The following GALNT11 variants were observed in gnomAD, a reference collection of about 807,000 sequenced individuals.
The protein encoded by GALNT11 is polypeptide N-acetylgalactosaminyltransferase 11, also known as UDP-GalNAc:polypeptide N-acetylgalactosaminyltransferase 11.
In GALNT11, 47 loss-of-function variants were observed where a neutral mutation model predicts 72.7. The observed-to-expected ratio is 0.65, with a 90% CI of 0.51 to 0.82. The LOEUF is 0.82. Among genes scored for constraint, GALNT11 ranks in the 40% least tolerant of loss-of-function variants. The probability of loss-of-function intolerance (pLI) is 0.00; values close to 1 mark genes in which losing one functional copy is unlikely to be tolerated. For missense variants in GALNT11, 677 were observed against 778.4 expected, an observed-to-expected ratio of 0.87 and a Z score of 1.55; for synonymous variants, 270 against 286.6, an observed-to-expected ratio of 0.94 and a Z score of 0.58.
At chr7:152,110,711 CAT>C in intron 7 of GALNT11, 66 bp downstream of exon 7, 1 of 1,162,896 alleles carries the variant, frequency 8.6e-7, no homozygotes, top group Non-Finnish European at 1.2e-6. Context: ...TCCATGATCT[CAT>C]ATTTTCTTTA....
At chr7:152,073,083 C>T (rs1260555632) in intron 1 of GALNT11, among the ~76,000 whole-genome samples, 1 of 152,088 alleles carries the variant, frequency 6.6e-6, no homozygotes, top group Non-Finnish European at 1.5e-5. Flanking sequence ...ATATACGTAA[C>T]GTATCAGTGA....
intron 7 of GALNT11, among the ~76,000 whole-genome samples, chr7:152,111,644 A>ATATTTT (rs201303779): frequency 7.2e-5 from 10 of 139,210 alleles, no homozygotes; most frequent in African/African-American, 2.7e-4. Flanking sequence ...ATATATATAT[A>ATATTTT]TTTTTTTAAA....
chr7:152,075,039 T>C (rs6944002), intron 1 of GALNT11: 23,349 of 152,160 alleles, frequency 0.15, 4,314 homozygotes, highest in African/African-American at 0.44. Context: ...TTTACCTTAG[T>C]GCCTGGTGGA....
intron 5 of GALNT11, 76 bp from the exon 6 acceptor site, chr7:152,107,962 C>A: frequency 6.6e-7 from 1 of 1,517,472 alleles, no homozygotes; most frequent in Non-Finnish European, 8.9e-7. Flanking sequence ...GTCAGCGCGT[C>A]ATCCCATTGG....
At chr7:152,109,804 G>A (rs1303730640) in intron 6 of GALNT11, among the ~76,000 whole-genome samples, 1 of 152,006 alleles carries the variant, frequency 6.6e-6, no homozygotes, top group African/African-American at 2.4e-5. Flanking sequence ...AGGCAGCTTG[G>A]GCCACTAGAA....
intron 1 of GALNT11, among the ~76,000 whole-genome samples, chr7:152,049,523 G>A (rs2083292619): frequency 6.6e-6 from 1 of 152,146 alleles, no homozygotes; most frequent in African/African-American, 2.4e-5. Flanking sequence ...CTGGGGGAGT[G>A]GTGAAACAAG....
chr7:152,105,784 ATCC>A (rs1237727073), intron 5 of GALNT11, among the ~76,000 whole-genome samples: 15 of 152,238 alleles, frequency 9.9e-5, no homozygotes, highest in African/African-American at 3.6e-4. Context: ...TGCGGAGTGC[ATCC>A]CTCTGGAGCC....
chr7:152,105,491 G>C, intron 5 of GALNT11, 121 bp downstream of exon 5: 2 of 1,403,702 alleles, frequency 1.4e-6, no homozygotes, highest in East Asian at 4.7e-5. Context: ...TTGCCAGCAG[G>C]AGAGATGAGG....
rs917647085 is a variant in GALNT11 at position 152,029,736 on chromosome 7, C to A, written c.-39+3852C>A. 4.4e-4 allele frequency among the ~76,000 whole-genome samples: 67 copies of A among 152,346 alleles called. 1 individual carries two copies. Among genetic ancestry groups the A allele is most frequent in the African/African-American group, 1.5e-3 (64 of 41,582 alleles). On this transcript the variant is annotated intron_variant, in intron 1 of 11. Transcript: ENST00000430044. ...CAGTTCCCTTATCATTTACTGAATA[C>A]CCCTTGTGTCTTTTTTCCTTAATCA...
intron 1 of GALNT11, among the ~76,000 whole-genome samples, chr7:152,064,658 A>C (rs904996356): frequency 6.6e-6 from 1 of 152,138 alleles, no homozygotes; most frequent in Non-Finnish European, 1.5e-5. Context: ...GATGGTGACA[A>C]AATCTCTCAG....
chr7:152,058,139 G>A (rs1426263510), intron 1 of GALNT11, among the ~76,000 whole-genome samples: 1 of 151,994 alleles, frequency 6.6e-6, no homozygotes, highest in Non-Finnish European at 1.5e-5. Flanking sequence ...TCTTTTAAGT[G>A]TGCAATAGCA....
intron 1 of GALNT11, among the ~76,000 whole-genome samples, chr7:152,041,580 T>C (rs981932065): frequency 2.0e-5 from 3 of 152,194 alleles, no homozygotes. Flanking sequence ...GAATGCTGAG[T>C]TGGAAAAATT....
chr7:152,092,482 A>T (rs1253449179), intron 1 of GALNT11, among the ~76,000 whole-genome samples: 3 of 152,068 alleles, frequency 2.0e-5, no homozygotes, highest in Non-Finnish European at 2.9e-5. Flanking sequence ...TGCCTCTGGT[A>T]TTACTGTTGG....
In GALNT11 at chr7:152,094,529, A is replaced by G. The variant is rs559898289; in HGVS notation, c.295+7A>G. On this transcript the variant is annotated splice_region_variant and intron_variant, in intron 2 of 11. Transcript: ENST00000430044. This position sits in a 1 kb window ranked among gnomAD's most constrained non-coding sequence, Gnocchi z 4.3. ...AAATTCTCTTCTGAATTAGGTAAGTATATGATGTTTACCAGCATCCATATC... is the reference window on the plus strand; with the variant it reads ...AAATTCTCTTCTGAATTAGGTAAGTGTATGATGTTTACCAGCATCCATATC... The G allele has an allele frequency of 6.3e-7, 1 of 1,591,190 alleles. No individual in the cohort carries two copies. Among genetic ancestry groups the G allele is most frequent in the South Asian group, 1.1e-5 (1 of 88,374 alleles).
chr7:152,101,283 A>G (rs1380847822), intron 3 of GALNT11, among the ~76,000 whole-genome samples: 1 of 151,992 alleles, frequency 6.6e-6, no homozygotes, highest in Non-Finnish European at 1.5e-5. Context: ...TTTCTCTTTC[A>G]TTGTTTTTTT....
chr7:152,110,138 C>T (rs1037368823), intron 6 of GALNT11, among the ~76,000 whole-genome samples: 5 of 152,180 alleles, frequency 3.3e-5, no homozygotes, highest in Non-Finnish European at 7.4e-5. Context: ...ACTGGTCTAA[C>T]TTGTGTGAGT....
At position 152,065,845 on chromosome 7, in the gene GALNT11, G is replaced by A. The variant is rs564315435; in HGVS notation, c.-38-28345G>A. On this transcript the variant is annotated intron_variant, in intron 1 of 11. Coordinates refer to ENST00000430044, the MANE Select transcript of GALNT11 (RefSeq NM_022087.4). ...ACCCAGCTATGTGGGGTGTCAGTGT[G>A]CCCCTACTGGGAGGTGCCTCCCAGT... Among the ~76,000 whole-genome samples the A allele has an allele frequency of 7.2e-5, 11 of 152,312 alleles. No individual in the cohort carries two copies. The South Asian group carries it at 1.7e-3, about 23-fold the overall frequency.
rs541978013 is a variant in GALNT11 at position 152,077,801 on chromosome 7, C to T, written c.-38-16389C>T. On this transcript the variant is annotated intron_variant, in intron 1 of 11. Transcript: ENST00000430044. Reference sequence around the variant, plus strand: ...CTGGGAGACTACCTTAACAAGAACCCGCACAGATAACAGAGGATAGAAACA... The same window carrying T: ...CTGGGAGACTACCTTAACAAGAACCTGCACAGATAACAGAGGATAGAAACA... Among the ~76,000 whole-genome samples the T allele has an allele frequency of 5.3e-5, 8 of 152,046 alleles. No individual in the cohort carries two copies. The South Asian group carries it at 1.0e-3, about 20-fold the overall frequency.
intron 8 of GALNT11, among the ~76,000 whole-genome samples, chr7:152,116,186 T>C (rs2088829597): frequency 6.6e-6 from 1 of 152,232 alleles, no homozygotes; most frequent in Non-Finnish European, 1.5e-5. Flanking sequence ...TAATCCACAC[T>C]GTTACAAAAA....
Sources: gnomAD v4.1 joint callset for allele counts (sites outside exome capture counted in the v4.1 genomes callset) on GRCh38, gnomAD v4.1.1 for gene constraint, Gnocchi (gnomAD v3.1) non-coding constraint, MANE v1.5 for transcripts, NCBI Gene and HGNC (gene_info 2026-07-23, HGNC 2026-07-21) for gene names.